The following CA5B variants were observed in gnomAD, a reference collection of about 807,000 sequenced individuals.
CA5B encodes the protein carbonic anhydrase 5B, mitochondrial.
In CA5B, 15 loss-of-function variants were observed where a neutral mutation model predicts 23.1. The observed-to-expected ratio is 0.65, with a 90% CI of 0.43 to 1.00. The LOEUF is 1.00. CA5B is among the 50% of genes least tolerant of loss of function. The probability of loss-of-function intolerance (pLI) is 0.00; values close to 1 mark genes in which losing one functional copy is unlikely to be tolerated. For missense variants in CA5B, 236 were observed against 252.2 expected (o/e 0.94, Z 0.43); for synonymous variants, 84 against 98.5 (o/e 0.85, Z 0.87).
chrX:15,751,875 C>T (rs1398637658), intron 2 of CA5B, among the ~76,000 whole-genome samples: 2 of 111,895 alleles, frequency 1.8e-5, no homozygotes, highest in South Asian at 3.7e-4. Context: ...ATTGTAAAGA[C>T]AATTCTCATT....
intron 2 of CA5B, among the ~76,000 whole-genome samples, chrX:15,751,315 A>G (rs1931349786): frequency 8.9e-6 from 1 of 112,131 alleles, no homozygotes; most frequent in Non-Finnish European, 1.9e-5. Context: ...AGCTACATCC[A>G]AGGGCTTGAA....
intron 1 of CA5B, among the ~76,000 whole-genome samples, chrX:15,748,711 C>T (rs1237441722): frequency 2.6e-5 from 1 of 38,296 alleles, no homozygotes; most frequent in Non-Finnish European, 7.3e-5. Flanking sequence ...AGTGAGAACC[C>T]CCCCCCCCGC....
At position 15,747,783 on chromosome X, in the gene CA5B, G is replaced by T. The variant is rs761645791; in HGVS notation, c.-53-2188G>T. Among the ~76,000 whole-genome samples the T allele has an allele frequency of 5.4e-5, 6 of 111,577 alleles. No individual in the cohort carries two copies. In the South Asian group the frequency reaches 2.3e-3, roughly 42 times the overall value. On this transcript the variant is annotated intron_variant, in intron 1 of 7. Coordinates refer to ENST00000318636, the MANE Select transcript of CA5B (RefSeq NM_007220.4). The stretch of plus-strand genomic sequence containing the variant: ...TATTTGAAAACAGGGTGCTAATGAC[G>T]CGGCTTTGTTTTCTGGGGTAAATAC...
chrX:15,756,689 T>C (rs1465409475), intron 2 of CA5B, among the ~76,000 whole-genome samples: 1 of 112,202 alleles, frequency 8.9e-6, no homozygotes, highest in Non-Finnish European at 1.9e-5. Context: ...GACAGGAAGA[T>C]AGCTTGAGCC....
chrX:15,777,292 TTAATG>T (rs1279002734), intron 7 of CA5B, among the ~76,000 whole-genome samples: 3 of 112,028 alleles, frequency 2.7e-5, no homozygotes, highest in Admixed American at 9.5e-5. Context: ...TCCAGAAACT[TTAATG>T]TAAGTCCATT....
intron 2 of CA5B, among the ~76,000 whole-genome samples, chrX:15,757,723 A>AT (rs1268388408): frequency 4.6e-5 from 5 of 109,024 alleles, no homozygotes; most frequent in Non-Finnish European, 7.6e-5. Context: ...AAAAAAAAAA[A>AT]CCCCAAAGTA....
intron 1 of CA5B, among the ~76,000 whole-genome samples, chrX:15,746,022 C>CTTTTT (rs11304971): frequency 6.6e-4 from 35 of 53,415 alleles, no homozygotes; most frequent in Non-Finnish European, 8.9e-4. Context: ...GCGTCAACTT[C>CTTTTT]TTTTTTTTTT....
chrX:15,764,505 G>C, intron 2 of CA5B, 73 bp from the exon 3 acceptor site: 1 of 1,184,204 alleles, frequency 8.4e-7, no homozygotes, highest in South Asian at 1.9e-5. Context: ...CTCCCCAAGT[G>C]CTGGGATTAT....
intron 7 of CA5B, 61 bp from the exon 8 acceptor site, chrX:15,782,424 A>G: frequency 9.9e-7 from 1 of 1,006,670 alleles, no homozygotes; most frequent in Non-Finnish European, 1.4e-6. Flanking sequence ...AAAGTAATTT[A>G]TTCACGAGGT....
intron 4 of CA5B, among the ~76,000 whole-genome samples, chrX:15,773,975 G>A (rs140125472): frequency 0.026 from 2,910 of 112,184 alleles, 39 homozygotes; most frequent in Middle Eastern, 0.037. Context: ...AGATGCAAGT[G>A]GATTTCGAAT....
chrX:15,768,428 T>C (rs754472550), intron 3 of CA5B, among the ~76,000 whole-genome samples: 3 of 112,344 alleles, frequency 2.7e-5, no homozygotes, highest in African/African-American at 9.7e-5. Context: ...AATCACCCCT[T>C]GAACCTGTCT....
intron 2 of CA5B, among the ~76,000 whole-genome samples, chrX:15,752,241 C>G (rs940197687): frequency 6.3e-5 from 7 of 111,218 alleles, no homozygotes; most frequent in African/African-American, 2.3e-4. Flanking sequence ...TCATGCCCCA[C>G]AAATCATAAA....
intron 2 of CA5B, among the ~76,000 whole-genome samples, chrX:15,762,610 T>C (rs1931627007): frequency 9.1e-6 from 1 of 110,366 alleles, no homozygotes; most frequent in African/African-American, 3.3e-5. Flanking sequence ...CCCGGCTAAT[T>C]TTTAATAGAG....
intron 1 of CA5B, among the ~76,000 whole-genome samples, chrX:15,742,297 T>G (rs904857784): frequency 1.8e-5 from 2 of 112,880 alleles, no homozygotes; most frequent in Non-Finnish European, 3.7e-5. Context: ...ACTTCCTGCT[T>G]CTTTCCTGTT....
At chrX:15,743,216 A>G (rs1485755955) in intron 1 of CA5B, among the ~76,000 whole-genome samples, 1 of 112,448 alleles carries the variant, frequency 8.9e-6, no homozygotes, top group Non-Finnish European at 1.9e-5. Context: ...ATAGCCATGT[A>G]ACTAATTCCC....
At chrX:15,759,069 T>A (rs1931549491) in intron 2 of CA5B, among the ~76,000 whole-genome samples, 1 of 111,576 alleles carries the variant, frequency 9.0e-6, no homozygotes, top group Non-Finnish European at 1.9e-5. Flanking sequence ...GGTCACTTTG[T>A]CAAGGAGGTA....
intron 3 of CA5B, 45 bp from the exon 4 acceptor site, chrX:15,772,451 C>G: frequency 1.1e-6 from 1 of 923,181 alleles, no homozygotes; most frequent in Non-Finnish European, 1.6e-6. Flanking sequence ...CATTCCTCCA[C>G]TGCACAAATA....
At position 15,772,566 on chromosome X, in the gene CA5B, T is replaced by A. The variant is rs1931841869; in HGVS notation, c.411T>A (p.Asp137Glu). ...TCCATTTTCACTGGGGGGCCATCGA[T>A]GCCTGGGGTTCTGAGCACACCGTGG... is the stretch of plus-strand genomic sequence containing the variant. ...KQFHFHWGAIDAWGSEHTVDS... is the reference protein window; with the variant it reads ...KQFHFHWGAIEAWGSEHTVDS... Residue 137 changes from aspartate (D) to glutamate (E), a missense_variant, in exon 4 of 8, where the codon GAT becomes GAA. By Grantham distance (45) the Asp-to-Glu change is conservative. Around this residue, in one of 3 missense-constraint regions of CA5B, gnomAD observed 170 missense variants for 162.0 expected, o/e 1.05. Coordinates refer to ENST00000318636, the MANE Select transcript of CA5B (RefSeq NM_007220.4). The A allele has an allele frequency of 1.7e-6, 2 of 1,206,272 alleles. No individual in the cohort carries two copies. Among genetic ancestry groups the A allele is most frequent in the South Asian group, 3.5e-5 (2 of 56,527 alleles).
intron 2 of CA5B, among the ~76,000 whole-genome samples, chrX:15,752,730 A>C (rs751222979): frequency 3.6e-5 from 4 of 111,238 alleles, no homozygotes; most frequent in Non-Finnish European, 5.7e-5. Flanking sequence ...GTCTCAAAAA[A>C]AAAAAAAATC....
Sources: allele counts gnomAD v4.1 joint callset (sites outside exome capture counted in the v4.1 genomes callset), GRCh38; gene constraint gnomAD v4.1.1; regional missense constraint gnomAD v4.1.1; transcripts MANE v1.5; gene names NCBI Gene and HGNC (gene_info 2026-07-23, HGNC 2026-07-21).